The following COMMD10 variants were observed in gnomAD, a reference collection of about 807,000 sequenced individuals.
COMMD10 encodes the protein COMM domain containing 10.
Under a neutral mutation model 28.9 loss-of-function variants are expected in COMMD10, and 33 were observed. The ratio of observed to expected loss-of-function variants is 1.14; its 90% CI spans 0.87 to 1.53. The LOEUF is 1.53. Ranked by LOEUF, COMMD10 falls within the 40% of genes most tolerant of loss-of-function variation. The probability of loss-of-function intolerance (pLI) is 0.00; values close to 1 mark genes in which losing one functional copy is unlikely to be tolerated. For missense variants in COMMD10, 310 were observed against 233.4 expected, an observed-to-expected ratio of 1.33 and a Z score of -2.14; for synonymous variants, 110 against 81.7, an observed-to-expected ratio of 1.35 and a Z score of -1.87.
At chr5:116,238,326 G>A (rs1026733804) in intron 5 of COMMD10, among the ~76,000 whole-genome samples, 1 of 152,194 alleles carries the variant, frequency 6.6e-6, no homozygotes, top group Non-Finnish European at 1.5e-5. Flanking sequence ...AGTTTTTCAT[G>A]ATTAATGGGT....
At chr5:116,172,248 G>A (rs902203544) in intron 5 of COMMD10, among the ~76,000 whole-genome samples, 1 of 151,978 alleles carries the variant, frequency 6.6e-6, no homozygotes, top group African/African-American at 2.4e-5. Flanking sequence ...AGGTGTGAGA[G>A]GAAAGTAAAG....
At chr5:116,118,574 C>T (rs1751318797) in intron 4 of COMMD10, among the ~76,000 whole-genome samples, 2 of 152,052 alleles carry the variant, frequency 1.3e-5, no homozygotes, top group African/African-American at 2.4e-5. Flanking sequence ...TTTTGTATTT[C>T]CTAATATTCT....
intron 5 of COMMD10, among the ~76,000 whole-genome samples, chr5:116,226,019 G>C (rs1248388914): frequency 6.6e-6 from 1 of 152,036 alleles, no homozygotes; most frequent in East Asian, 1.9e-4. Context: ...TCTTTAGCCA[G>C]TGCGATGCCA....
chr5:116,123,057 G>A (rs1751496782), intron 4 of COMMD10, among the ~76,000 whole-genome samples: 1 of 152,166 alleles, frequency 6.6e-6, no homozygotes, highest in African/African-American at 2.4e-5. Context: ...TCTTGTGCTA[G>A]TTTTCAAAGG....
chr5:116,115,859 A>G (rs1751217024), intron 4 of COMMD10, among the ~76,000 whole-genome samples: 2 of 152,180 alleles, frequency 1.3e-5, no homozygotes, highest in South Asian at 2.1e-4. Flanking sequence ...AGACTTGTAA[A>G]TAATATTTTA....
intron 1 of COMMD10, among the ~76,000 whole-genome samples, chr5:116,085,816 G>A (rs1750074138): frequency 1.3e-5 from 2 of 152,144 alleles, no homozygotes; most frequent in Admixed American, 6.5e-5. Context: ...AATAGTGTTC[G>A]GAAGTAATTT....
At chr5:116,127,598 A>T (rs1430818067) in intron 4 of COMMD10, among the ~76,000 whole-genome samples, 2 of 152,220 alleles carry the variant, frequency 1.3e-5, no homozygotes, top group Non-Finnish European at 2.9e-5. Flanking sequence ...ATGCAGCCAT[A>T]AAAAAGGATG....
rs368040253 is a variant in COMMD10, at chr5:116,199,842, G to A, written c.510+65664G>A. On this transcript the variant is annotated intron_variant, in intron 5 of 6. Coordinates refer to ENST00000274458, the MANE Select transcript of COMMD10 (RefSeq NM_016144.4). ...TCCTGGGCTCAAGCAATCCTCCAGA[G>A]TATCTGGGATTACAGGTATGTAGCA... Among the ~76,000 whole-genome samples the A allele has an allele frequency of 2.7e-3, 404 of 152,232 alleles. 23 individuals carry two copies. The South Asian group carries it at 0.078, about 30-fold the overall frequency.
intron 5 of COMMD10, among the ~76,000 whole-genome samples, chr5:116,267,272 G>A (rs546738112): frequency 1.1e-4 from 16 of 151,902 alleles, no homozygotes; most frequent in African/African-American, 3.6e-4. Flanking sequence ...AAATCAATGT[G>A]CAAAAATCAC....
At chr5:116,196,923 T>G (rs1475442166) in intron 5 of COMMD10, among the ~76,000 whole-genome samples, 1 of 152,166 alleles carries the variant, frequency 6.6e-6, no homozygotes, top group Non-Finnish European at 1.5e-5. Context: ...ATTTACTAAA[T>G]TAAGCTTAGG....
At chr5:116,266,316 T>C (rs768611144) in intron 5 of COMMD10, among the ~76,000 whole-genome samples, 1 of 151,806 alleles carries the variant, frequency 6.6e-6, no homozygotes, top group African/African-American at 2.4e-5. Context: ...ATCCAAATTG[T>C]AGATTTTTTA....
intron 5 of COMMD10, among the ~76,000 whole-genome samples, chr5:116,251,559 T>C (rs1165365792): frequency 6.6e-6 from 1 of 150,922 alleles, no homozygotes; most frequent in African/African-American, 2.4e-5. Flanking sequence ...TTTTTTGTTC[T>C]TGCGATAGTT....
At chr5:116,275,531 C>T (rs1409146601) in intron 5 of COMMD10, among the ~76,000 whole-genome samples, 1 of 150,990 alleles carries the variant, frequency 6.6e-6, no homozygotes, top group Non-Finnish European at 1.5e-5. Flanking sequence ...GACTCGTAAG[C>T]TCAAGGAAAA....
chr5:116,120,139 T>A (rs1212247401), intron 4 of COMMD10, among the ~76,000 whole-genome samples: 4 of 152,118 alleles, frequency 2.6e-5, no homozygotes, highest in African/African-American at 4.8e-5. Flanking sequence ...AAAGAAAATA[T>A]GGTATATATA....
intron 4 of COMMD10, among the ~76,000 whole-genome samples, chr5:116,120,706 T>G (rs571822131): frequency 1.8e-3 from 268 of 151,810 alleles, no homozygotes; most frequent in Non-Finnish European, 3.3e-3. Flanking sequence ...ATACACTGAT[T>G]ATAATGATTT....
At chr5:116,240,358 TCTC>T (rs959542647) in intron 5 of COMMD10, among the ~76,000 whole-genome samples, 2 of 152,042 alleles carry the variant, frequency 1.3e-5, no homozygotes, top group Admixed American at 1.3e-4. Flanking sequence ...AATACAGCAA[TCTC>T]CTCCTGAAAT....
At chr5:116,117,939 C>G (rs1751296131) in intron 4 of COMMD10, among the ~76,000 whole-genome samples, 1 of 152,114 alleles carries the variant, frequency 6.6e-6, no homozygotes, top group African/African-American at 2.4e-5. Flanking sequence ...TTTATCCACC[C>G]CACTCCATTT....
chr5:116,261,653 ATTTTGCATAT>A (rs1054594594), intron 5 of COMMD10, among the ~76,000 whole-genome samples: 3 of 151,536 alleles, frequency 2.0e-5, no homozygotes, highest in African/African-American at 7.3e-5. Context: ...TGTTGTCCTT[ATTTTGCATAT>A]TTTTGCATAT....
At chr5:116,250,164 G>T (rs977258667) in intron 5 of COMMD10, among the ~76,000 whole-genome samples, 2 of 147,600 alleles carry the variant, frequency 1.4e-5, no homozygotes, top group African/African-American at 2.6e-5. Context: ...TAATTCAATC[G>T]CTGTGATACC....
Sources: allele counts gnomAD v4.1 joint callset (sites outside exome capture counted in the v4.1 genomes callset), GRCh38; gene constraint gnomAD v4.1.1; transcripts MANE v1.5; gene names NCBI Gene and HGNC (gene_info 2026-07-23, HGNC 2026-07-21).